The following SEMA5A variants were observed in gnomAD, a reference collection of about 807,000 sequenced individuals.
SEMA5A encodes the protein semaphorin-5A.
A neutral mutation model predicts 135.5 loss-of-function variants in SEMA5A; 55 were observed. That is an observed-to-expected ratio of 0.41 (90% CI 0.33 to 0.51). SEMA5A has a LOEUF of 0.51. Ranked by LOEUF, SEMA5A falls within the 20% of genes least tolerant of loss-of-function variation. The pLI is 0.37. For synonymous variants in SEMA5A, 580 were observed against 546.5 expected (o/e 1.06, Z -0.85); for missense variants, 1,290 against 1,419.9 (o/e 0.91, Z 1.47).
At chr5:9,441,642 A>G (rs1342616020) in intron 1 of SEMA5A, among the ~76,000 whole-genome samples, 1 of 152,206 alleles carries the variant, frequency 6.6e-6, no homozygotes, top group African/African-American at 2.4e-5. Flanking sequence ...CTCATGCTCA[A>G]GTCCCTGGAG....
At chr5:9,173,652 C>T (rs1410720881) in intron 11 of SEMA5A, among the ~76,000 whole-genome samples, 2 of 152,140 alleles carry the variant, frequency 1.3e-5, no homozygotes, top group Non-Finnish European at 2.9e-5. Flanking sequence ...CTCCAGATAC[C>T]CTCACATTGG....
At chr5:9,071,613 T>C (rs1316009859) in intron 16 of SEMA5A, among the ~76,000 whole-genome samples, 1 of 152,164 alleles carries the variant, frequency 6.6e-6, no homozygotes, top group Non-Finnish European at 1.5e-5. Context: ...GCTGTTTATT[T>C]TTCCCTTGAG....
chr5:9,346,884 A>G (rs947617933), intron 3 of SEMA5A, among the ~76,000 whole-genome samples: 16 of 139,204 alleles, frequency 1.1e-4, no homozygotes, highest in African/African-American at 4.6e-4. Context: ...GTCATTGTGT[A>G]TATATATATG....
At chr5:9,517,455 C>T (rs1391369222) in intron 1 of SEMA5A, 1 of 152,152 alleles carries the variant, frequency 6.6e-6, no homozygotes, top group African/African-American at 2.4e-5. Flanking sequence ...CCTCAGAACC[C>T]CTGGACCAGC....
chr5:9,393,190 C>T (rs1445954710), intron 2 of SEMA5A, among the ~76,000 whole-genome samples: 3 of 152,150 alleles, frequency 2.0e-5, no homozygotes, highest in Non-Finnish European at 4.4e-5. Context: ...AATATTAAAA[C>T]CTATGTGATG....
At chr5:9,504,772 G>C (rs1735787194) in intron 1 of SEMA5A, among the ~76,000 whole-genome samples, 3 of 152,258 alleles carry the variant, frequency 2.0e-5, no homozygotes, top group Non-Finnish European at 4.4e-5. Flanking sequence ...GGTCACCACA[G>C]GTCCCGAGCA....
At chr5:9,184,607 T>A (rs962248587) in intron 11 of SEMA5A, among the ~76,000 whole-genome samples, 1 of 152,244 alleles carries the variant, frequency 6.6e-6, no homozygotes, top group Non-Finnish European at 1.5e-5. Flanking sequence ...GCTGTGTTTT[T>A]GTTTCCATGA....
chr5:9,109,132 C>T (rs567407172), intron 15 of SEMA5A, among the ~76,000 whole-genome samples: 3 of 147,146 alleles, frequency 2.0e-5, no homozygotes, highest in African/African-American at 7.6e-5. Context: ...GCTCCGCCTC[C>T]CGGGTTCACG....
intron 1 of SEMA5A, among the ~76,000 whole-genome samples, chr5:9,449,115 C>T (rs1758540914): frequency 6.6e-6 from 1 of 152,092 alleles, no homozygotes; most frequent in Non-Finnish European, 1.5e-5. Context: ...GATACATGTA[C>T]CCGTATGTTC....
chr5:9,190,295 C>T lies in SEMA5A; in HGVS notation c.1245G>A (p.Ala415=), dbSNP rs753541138. The change falls in exon 11 of 23, where the codon GCG becomes GCA. Residue 415 remains alanine, a synonymous_variant. Coordinates refer to ENST00000382496, the MANE Select transcript of SEMA5A (RefSeq NM_003966.3). ...TGGCCAAATAGATGATGTGGACGAG[C>T]GCTTCTCTGCCCTGCACCACGTCGA... ...VAVDVVQGRE[A]LVHIIYLATD... 16 of 1,613,948 alleles carry T rather than the reference C, an allele frequency of 9.9e-6. No individual in the cohort carries two copies. The highest frequency in any genetic ancestry group is 4.0e-5 in the African/African-American group (3 of 74,906).
intron 6 of SEMA5A, among the ~76,000 whole-genome samples, chr5:9,232,566 G>T (rs1747687935): frequency 6.6e-6 from 1 of 152,044 alleles, no homozygotes. Flanking sequence ...GTGAATATAT[G>T]CACATGCAAA....
intron 11 of SEMA5A, among the ~76,000 whole-genome samples, chr5:9,170,437 GA>G (rs1743853251): frequency 6.6e-6 from 1 of 152,084 alleles, no homozygotes; most frequent in South Asian, 2.1e-4. Context: ...ATTAAAAAAT[GA>G]GAGACAGGAC....
At chr5:9,182,159 C>CG (rs199497771) in intron 11 of SEMA5A, among the ~76,000 whole-genome samples, 3 of 140,924 alleles carry the variant, frequency 2.1e-5, no homozygotes, top group Non-Finnish European at 4.6e-5. Flanking sequence ...GCCCCCCACC[C>CG]CAAAAAAAAA....
chr5:9,100,142 C>CAAACAATTTAAAAGACCACTCGTTATTCA (rs1739547112), intron 16 of SEMA5A, among the ~76,000 whole-genome samples: 1 of 152,182 alleles, frequency 6.6e-6, no homozygotes, highest in Admixed American at 6.5e-5. Flanking sequence ...CTCACCAGTC[C>CAAACAATTTAAAAGACCACTCGTTATTCA]ATGGGACCTG....
chr5:9,183,749 T>G lies in SEMA5A; in HGVS notation c.1273+6518A>C, dbSNP rs542873975. Among the ~76,000 whole-genome samples the G allele has an allele frequency of 6.4e-4, 98 of 152,338 alleles. 1 individual carries two copies. The highest frequency in any genetic ancestry group is 2.2e-3 in the African/African-American group (93 of 41,580). On this transcript the variant is annotated intron_variant, in intron 11 of 22. Coordinates refer to ENST00000382496, the MANE Select transcript of SEMA5A (RefSeq NM_003966.3). ...GATAGTAAAATGGGTCCCCAACACC[T>G]CACTTGCCCTCTTTCCACAACGTCT...
rs1342167651 is a variant in SEMA5A, at chr5:9,197,321, GA to G, written c.933-19del. 3.2e-6 allele frequency: 5 copies of G among 1,582,122 alleles called. No homozygotes were observed. Among genetic ancestry groups the G allele is most frequent in the African/African-American group, 3.1e-5 (2 of 64,776 alleles). ...TGCTGTTCCTGGGAGCGGAGGGAGA[GA>G]GAGAAGGCAGTCAGAGAGCTCGGCA... On this transcript the variant is annotated intron_variant, in intron 9 of 22. Coordinates refer to ENST00000382496, the MANE Select transcript of SEMA5A (RefSeq NM_003966.3).
intron 3 of SEMA5A, among the ~76,000 whole-genome samples, chr5:9,365,879 G>T (rs565285816): frequency 6.6e-6 from 1 of 152,094 alleles, no homozygotes; most frequent in Non-Finnish European, 1.5e-5. Context: ...AAAACCAAGG[G>T]CAAGAGCCAA....
Position 9,224,868 on chromosome 5 carries a change from A to G in SEMA5A, c.452T>C (p.Ile151Thr). The G allele has an allele frequency of 6.2e-7, 1 of 1,613,196 alleles. No individual in the cohort carries two copies. The highest frequency in any genetic ancestry group is 8.5e-7 in the Non-Finnish European group (1 of 1,179,698). The change falls in exon 8 of 23, where the codon ATC becomes ACC. Residue 151 changes from isoleucine (I) to threonine (T), a missense_variant. Transcript: ENST00000382496. ...TNRSLSNLTE[I>T]HDQISGMARC... is the part of the protein sequence containing the mutation. ...GGCCATGCCACTGATCTGATCATGG[A>G]TCTCAGTCAGGTTGCTCAACTGTGG...
chr5:9,223,546 C>A (rs1747121675), intron 8 of SEMA5A, among the ~76,000 whole-genome samples: 1 of 152,148 alleles, frequency 6.6e-6, no homozygotes, highest in Admixed American at 6.6e-5. Flanking sequence ...ATGCCAAGGA[C>A]AAGACCCACC....
Sources: gnomAD v4.1 joint callset for allele counts (sites outside exome capture counted in the v4.1 genomes callset) on GRCh38, gnomAD v4.1.1 for gene constraint, MANE v1.5 for transcripts, NCBI Gene and HGNC (gene_info 2026-07-23, HGNC 2026-07-21) for gene names.